Variants in CACNA1C observed in about 807,000 individuals in gnomAD.
CACNA1C encodes the protein voltage-dependent L-type calcium channel subunit alpha-1C.
Under a neutral mutation model 229.0 loss-of-function variants are expected in CACNA1C, and 30 were observed. The ratio of observed to expected loss-of-function variants is 0.13; its 90% CI spans 0.10 to 0.18. The LOEUF (loss-of-function observed/expected upper bound fraction) is 0.18. Ranked by LOEUF, CACNA1C falls within the 10% of genes least tolerant of loss-of-function variation. The pLI, the probability that CACNA1C is intolerant of heterozygous loss-of-function variation, is 1.00. For synonymous variants in CACNA1C, 1,114 were observed against 1,132.5 expected (o/e 0.98, Z 0.33); for missense variants, 1,658 against 2,845.0 (o/e 0.58, Z 9.49).
Position 2,493,082 on chromosome 12 carries a change from G to A in CACNA1C, c.917-108G>A, listed in dbSNP as rs2099739559. The A allele has an allele frequency of 1.2e-6, 1 of 864,944 alleles. No individual in the cohort carries two copies. 53.6% of individuals were successfully genotyped at this position (864,944 alleles called of 1,614,324 possible). On this transcript the variant is annotated intron_variant, in intron 6 of 46. Coordinates refer to ENST00000399655, the MANE Select transcript of CACNA1C (RefSeq NM_000719.7). The surrounding 1 kb of genome is among the most constrained non-coding windows in gnomAD (Gnocchi z 4.6). ...GCGCTGTTGTTGCCATGGTTGCTTTGCCCATCCCATCAACCTCATCCTGTC... is the reference window on the plus strand; with the variant it reads ...GCGCTGTTGTTGCCATGGTTGCTTTACCCATCCCATCAACCTCATCCTGTC...
intron 18 of CACNA1C, among the ~76,000 whole-genome samples, chr12:2,588,376 C>T (rs561782182): frequency 8.0e-4 from 122 of 152,320 alleles, no homozygotes; most frequent in African/African-American, 2.7e-3. Flanking sequence ...GAGAAAGGGC[C>T]GGTGTCAGGG....
intron 3 of CACNA1C, among the ~76,000 whole-genome samples, chr12:2,194,161 CT>C (rs2097327364): frequency 2.7e-5 from 4 of 150,242 alleles, no homozygotes; most frequent in Admixed American, 2.6e-4. Flanking sequence ...CCTCCTAGTG[CT>C]TCTCCTCCTG....
rs1445282288 is a variant in CACNA1C at position 2,071,168 on chromosome 12, C to CCTT, written c.49+17558_49+17559insTTC. Among the ~76,000 whole-genome samples, 12 of 12,562 alleles carry CCTT rather than the reference C, an allele frequency of 9.6e-4. 4 individuals carry two copies. The highest frequency in any genetic ancestry group is 4.7e-3 in the African/African-American group (11 of 2,316). The allele number at this position is 12,562 out of a possible 152,430, so 8.2% of individuals were successfully genotyped here. ...TCCCTCCCTCCCTCCCTCCCTCCCT[C>CCTT]CCTCCCTGCCTGCCTGCCTGCCTGC... On this transcript the variant is annotated intron_variant, in intron 1 of 46. Transcript: ENST00000399655.
intron 3 of CACNA1C, among the ~76,000 whole-genome samples, chr12:2,431,300 CAT>C (rs1336424104): frequency 6.6e-6 from 1 of 152,188 alleles, no homozygotes; most frequent in East Asian, 1.9e-4. Context: ...GGGATCCACT[CAT>C]ATACTCCAAC....
At chr12:1,993,442 T>C (rs944129286) in intron 1 of CACNA1C, 2 of 1,585,276 alleles carry the variant, frequency 1.3e-6, no homozygotes, top group East Asian at 4.5e-5. Context: ...TTGCTTAGTA[T>C]GCTATATTTT....
chr12:2,413,371 G>A (rs79527958), intron 3 of CACNA1C, among the ~76,000 whole-genome samples: 29 of 152,308 alleles, frequency 1.9e-4, no homozygotes, highest in Non-Finnish European at 3.5e-4. Flanking sequence ...TTGATAAAGC[G>A]TGAATGACTC....
intron 3 of CACNA1C, among the ~76,000 whole-genome samples, chr12:2,201,952 T>C (rs1016899117): frequency 3.3e-5 from 5 of 152,230 alleles, no homozygotes; most frequent in African/African-American, 7.2e-5. Flanking sequence ...GAGGGAGTGC[T>C]TCTGGGTAGG....
intron 3 of CACNA1C, among the ~76,000 whole-genome samples, chr12:2,313,205 C>A: frequency 6.6e-6 from 1 of 152,238 alleles, no homozygotes; most frequent in South Asian, 2.1e-4. Context: ...GGAGAGTGTG[C>A]GAGGACTGGT....
At chr12:2,439,799 T>C (rs2099200158) in intron 3 of CACNA1C, among the ~76,000 whole-genome samples, 1 of 152,088 alleles carries the variant, frequency 6.6e-6, no homozygotes, top group Non-Finnish European at 1.5e-5. Flanking sequence ...CTGCTTGCCC[T>C]CAATAAATAG....
chr12:2,136,016 G>A (rs368889972), intron 3 of CACNA1C, among the ~76,000 whole-genome samples: 2 of 150,640 alleles, frequency 1.3e-5, no homozygotes, highest in Non-Finnish European at 3.0e-5. Flanking sequence ...GTGGTGCGCC[G>A]TTTTTTAAGC....
intron 3 of CACNA1C, among the ~76,000 whole-genome samples, chr12:2,240,464 C>T (rs1403397394): frequency 6.6e-6 from 1 of 152,198 alleles, no homozygotes; most frequent in Non-Finnish European, 1.5e-5. Context: ...TTTACTGAGG[C>T]AGGTAGAATC....
chr12:2,307,530 G>A (rs971047394), intron 3 of CACNA1C, among the ~76,000 whole-genome samples: 6 of 152,252 alleles, frequency 3.9e-5, no homozygotes, highest in African/African-American at 1.4e-4. Context: ...CGAGATTCAT[G>A]GCCTTTAACT....
intron 3 of CACNA1C, among the ~76,000 whole-genome samples, chr12:2,133,049 G>A (rs1192039139): frequency 1.4e-3 from 49 of 36,082 alleles, no homozygotes; most frequent in African/African-American, 6.1e-3. Flanking sequence ...TGTATGTGTC[G>A]AGGAATTTAT....
In CACNA1C at chr12:2,630,198, TA is replaced by T. The variant is rs1168105326; in HGVS notation, c.3829-4097del. Reference sequence around the variant, plus strand: ...ATTTGGGACACAGTCACCAGAGAAATAAGGGGCAACAGGTATAACCAGACTC... The same window carrying T: ...ATTTGGGACACAGTCACCAGAGAAATAGGGGCAACAGGTATAACCAGACTC... On this transcript the variant is annotated intron_variant, in intron 29 of 46. Coordinates refer to ENST00000399655, the MANE Select transcript of CACNA1C (RefSeq NM_000719.7). This position sits in a 1 kb window ranked among gnomAD's most constrained non-coding sequence, Gnocchi z 5.4. Among the ~76,000 whole-genome samples, 1 of 152,176 alleles carries T rather than the reference TA, an allele frequency of 6.6e-6. No homozygotes were observed.
At chr12:2,334,608 C>T (rs762040704) in intron 3 of CACNA1C, among the ~76,000 whole-genome samples, 15 of 152,102 alleles carry the variant, frequency 9.9e-5, no homozygotes, top group Admixed American at 4.6e-4. Flanking sequence ...ACTTTGAGAC[C>T]GGCCTGGACT....
Position 2,004,563 on chromosome 12 carries a change from A to AC in CACNA1C, c.139+33367dup, listed in dbSNP as rs571256375. 2,101 of 1,314,400 alleles carry AC rather than the reference A, an allele frequency of 1.6e-3. 1 individual carries two copies. The highest frequency in any genetic ancestry group is 2.0e-3 in the Non-Finnish European group (1,949 of 984,244). The allele number at this position is 1,314,400 out of a possible 1,614,324, so 81.4% of individuals were successfully genotyped here. On this transcript the variant is annotated intron_variant, in intron 1 of 46. Transcript: ENST00000682462. ...CCCGGGAGGCCTTCCGGCTCCAGTC[A>AC]CCCCCACCCTCCTGCCCGCCGACAG...
At position 2,285,472 on chromosome 12, in the gene CACNA1C, C is replaced by T. The variant is rs2092491574; in HGVS notation, c.478-163504C>T. On this transcript the variant is annotated intron_variant, in intron 3 of 46. Coordinates refer to ENST00000399655, the MANE Select transcript of CACNA1C (RefSeq NM_000719.7). The surrounding 1 kb of genome is among the most constrained non-coding windows in gnomAD (Gnocchi z 4.2). ...AGGTAGTGGAGGAAATGGCAGCCTTCCTTCCTTGCCCATAGCCTGTGCCGG... is the reference window on the plus strand; with the variant it reads ...AGGTAGTGGAGGAAATGGCAGCCTTTCTTCCTTGCCCATAGCCTGTGCCGG... Among the ~76,000 whole-genome samples the T allele has an allele frequency of 6.6e-6, 1 of 152,168 alleles. No homozygotes were observed. The highest frequency in any genetic ancestry group is 1.5e-5 in the Non-Finnish European group (1 of 68,030).
At chr12:2,565,240 G>A (rs1038163822) in intron 11 of CACNA1C, among the ~76,000 whole-genome samples, 12 of 151,300 alleles carry the variant, frequency 7.9e-5, no homozygotes, top group Admixed American at 1.3e-4. Context: ...AGGCCGAGGC[G>A]GGTGGATCAT....
chr12:2,440,407 T>G (rs1456027339), intron 3 of CACNA1C, among the ~76,000 whole-genome samples: 1 of 152,244 alleles, frequency 6.6e-6, no homozygotes, highest in Non-Finnish European at 1.5e-5. Flanking sequence ...CTTCTTTTGC[T>G]TAGCACAGTG....
Sources: allele counts gnomAD v4.1 joint callset (sites outside exome capture counted in the v4.1 genomes callset), GRCh38; gene constraint gnomAD v4.1.1; non-coding constraint Gnocchi (gnomAD v3.1); transcripts MANE v1.5; gene names NCBI Gene and HGNC (gene_info 2026-07-23, HGNC 2026-07-21).